Variants in MACROD2 observed in about 807,000 individuals in gnomAD.
The protein encoded by MACROD2 is mono-ADP ribosylhydrolase 2.
A neutral mutation model predicts 70.4 loss-of-function variants in MACROD2; 36 were observed. The observed-to-expected ratio is 0.51, with a 90% CI of 0.39 to 0.68. The LOEUF (loss-of-function observed/expected upper bound fraction) is 0.68. Ranked by LOEUF, MACROD2 falls within the 30% of genes least tolerant of loss-of-function variation. The pLI, the probability that MACROD2 is intolerant of heterozygous loss-of-function variation, is 0.00. For missense variants in MACROD2, 496 were observed against 538.4 expected, an observed-to-expected ratio of 0.92 and a Z score of 0.78; for synonymous variants, 172 against 178.8, an observed-to-expected ratio of 0.96 and a Z score of 0.30.
intron 7 of MACROD2, among the ~76,000 whole-genome samples, chr20:15,474,012 T>C (rs2046991399): frequency 6.6e-6 from 1 of 152,226 alleles, no homozygotes; most frequent in Non-Finnish European, 1.5e-5. Context: ...TCTGTGAGTC[T>C]AGGCAAACTC....
chr20:14,310,891 T>G (rs1002246766), intron 3 of MACROD2, among the ~76,000 whole-genome samples: 1 of 152,104 alleles, frequency 6.6e-6, no homozygotes. Context: ...AAAAAACTTA[T>G]AGACTAAAGG....
At chr20:15,817,025 G>C (rs1022629759) in intron 8 of MACROD2, among the ~76,000 whole-genome samples, 3 of 152,172 alleles carry the variant, frequency 2.0e-5, no homozygotes, top group Non-Finnish European at 4.4e-5. Context: ...AGTTCAATGA[G>C]AGCGGAGGCT....
chr20:15,986,842 A>G, intron 14 of MACROD2, 41 bp downstream of exon 14: 2 of 1,486,804 alleles, frequency 1.3e-6, no homozygotes. Flanking sequence ...GAATGAGATG[A>G]AACTGTGAAT....
chr20:15,943,525 C>A (rs983898533), intron 12 of MACROD2, among the ~76,000 whole-genome samples: 1 of 152,022 alleles, frequency 6.6e-6, no homozygotes, highest in Non-Finnish European at 1.5e-5. Context: ...ATATTAGGAG[C>A]CTTAAGTGTA....
chr20:15,768,138 C>CTGTGTGTGTGTGTG (rs557053436), intron 8 of MACROD2, among the ~76,000 whole-genome samples: 2 of 148,640 alleles, frequency 1.3e-5, no homozygotes, highest in African/African-American at 4.9e-5. Context: ...GTGTATGTGT[C>CTGTGTGTGTGTGTG]TGTGTGTGTG....
chr20:15,078,693 C>T (rs1275851903), intron 5 of MACROD2, among the ~76,000 whole-genome samples: 1 of 148,882 alleles, frequency 6.7e-6, no homozygotes, highest in South Asian at 2.2e-4. Context: ...TTTGAACAAT[C>T]TCTTCCTTCA....
chr20:14,665,871 C>T (rs946595606), intron 4 of MACROD2, among the ~76,000 whole-genome samples: 1 of 152,112 alleles, frequency 6.6e-6, no homozygotes. Context: ...TTATGCACTC[C>T]ATATGAATGT....
chr20:14,521,484 G>A (rs1051490700), intron 4 of MACROD2, among the ~76,000 whole-genome samples: 1 of 152,094 alleles, frequency 6.6e-6, no homozygotes. Flanking sequence ...CTACCTGCAG[G>A]TTTGTCTCCT....
In MACROD2 at chr20:14,085,762, A is replaced by G. The variant is rs371136884; in HGVS notation, c.271+34A>G. 27 of 1,242,534 alleles carry G rather than the reference A, an allele frequency of 2.2e-5. No individual in the cohort carries two copies. The African/African-American group carries it at 3.6e-4, about 17-fold the overall frequency. The allele number at this position is 1,242,534 out of a possible 1,614,324, so 77.0% of individuals were successfully genotyped here. ...TTGATTTTCCTGTGATGTGTTTGTT[A>G]TGTAAGTATTATTTCAAAATTTTTA... is the stretch of plus-strand genomic sequence containing the variant. On this transcript the variant is annotated intron_variant, in intron 3 of 17. Transcript: ENST00000684519.
intron 3 of MACROD2, among the ~76,000 whole-genome samples, chr20:14,336,325 A>C (rs1006430764): frequency 1.3e-5 from 2 of 152,146 alleles, no homozygotes; most frequent in African/African-American, 2.4e-5. Flanking sequence ...AAAATTGAAA[A>C]AAAAATCAAT....
intron 5 of MACROD2, among the ~76,000 whole-genome samples, chr20:15,137,325 A>G (rs949669049): frequency 8.5e-5 from 13 of 152,108 alleles, no homozygotes; most frequent in African/African-American, 2.9e-4. Flanking sequence ...TCCAACAATG[A>G]TAGACTGCAT....
intron 12 of MACROD2, among the ~76,000 whole-genome samples, chr20:15,955,431 C>T (rs2065963005): frequency 6.6e-6 from 1 of 152,162 alleles, no homozygotes; most frequent in Non-Finnish European, 1.5e-5. Flanking sequence ...TCCTCCAATT[C>T]CTTCTCAGAA....
At chr20:15,669,113 A>G (rs1168422391) in intron 8 of MACROD2, among the ~76,000 whole-genome samples, 1 of 152,216 alleles carries the variant, frequency 6.6e-6, no homozygotes, top group Non-Finnish European at 1.5e-5. Flanking sequence ...AAGTCCAACT[A>G]TGTTGTTTAT....
chr20:14,693,495 G>T (rs980226554), intron 5 of MACROD2, among the ~76,000 whole-genome samples: 1 of 150,544 alleles, frequency 6.6e-6, no homozygotes, highest in African/African-American at 2.5e-5. Context: ...GTGTTAAGAT[G>T]TTCCTTGAGC....
intron 5 of MACROD2, among the ~76,000 whole-genome samples, chr20:15,201,384 C>G (rs1230484896): frequency 6.6e-6 from 1 of 152,106 alleles, no homozygotes; most frequent in Non-Finnish European, 1.5e-5. Flanking sequence ...ATTCGCAGGA[C>G]CCAGGACAAG....
chr20:15,899,224 GTATA>G (rs1379498627), intron 10 of MACROD2, among the ~76,000 whole-genome samples: 1 of 151,654 alleles, frequency 6.6e-6, no homozygotes, highest in African/African-American at 2.4e-5. Flanking sequence ...AGACATATAT[GTATA>G]TATGTATATG....
chr20:14,483,015 T>G (rs2084680583), intron 3 of MACROD2, among the ~76,000 whole-genome samples: 1 of 152,194 alleles, frequency 6.6e-6, no homozygotes, highest in African/African-American at 2.4e-5. Flanking sequence ...TTAGCTTCTT[T>G]GGGGGACTGA....
intron 3 of MACROD2, among the ~76,000 whole-genome samples, chr20:14,471,379 C>T (rs951739074): frequency 3.3e-5 from 5 of 152,170 alleles, no homozygotes; most frequent in Non-Finnish European, 7.4e-5. Context: ...GCCATCTTGC[C>T]AGCCCTTTCT....
At chr20:14,471,797 A>G (rs767621091) in intron 3 of MACROD2, among the ~76,000 whole-genome samples, 10 of 152,178 alleles carry the variant, frequency 6.6e-5, no homozygotes, top group African/African-American at 1.2e-4. Context: ...ATTGAGGGGT[A>G]AAACATGAAA....
Sources: allele counts gnomAD v4.1 joint callset (sites outside exome capture counted in the v4.1 genomes callset), GRCh38; gene constraint gnomAD v4.1.1; transcripts MANE v1.5; gene names NCBI Gene and HGNC (gene_info 2026-07-23, HGNC 2026-07-21).